PATL2: variants seen among roughly 807,000 people sequenced by gnomAD.
PATL2 encodes the protein protein PAT1 homolog 2.
A neutral mutation model predicts 77.0 loss-of-function variants in PATL2; 73 were observed. That is an observed-to-expected ratio of 0.95 (90% confidence interval 0.78 to 1.15). PATL2 has a LOEUF of 1.15. Ranked by LOEUF, PATL2 falls within the 50% of genes most tolerant of loss-of-function variation. The pLI is 0.00. For missense variants in PATL2, 618 were observed against 655.4 expected (o/e 0.94, Z 0.62); for synonymous variants, 265 against 257.1 (o/e 1.03, Z -0.29).
At chr15:44,688,388 A>G (rs1257377078) in intron 3 of PATL2, among the ~76,000 whole-genome samples, 7 of 152,176 alleles carry the variant, frequency 4.6e-5, no homozygotes, top group Admixed American at 4.6e-4. Context: ...CGCATAGCCA[A>G]GACAATCCTA....
At chr15:44,683,364 G>A (rs2086178365) in intron 3 of PATL2, among the ~76,000 whole-genome samples, 1 of 152,196 alleles carries the variant, frequency 6.6e-6, no homozygotes, top group South Asian at 2.1e-4. Flanking sequence ...TGCCAGCACA[G>A]CAGTCTGAAG....
At position 44,673,104 on chromosome 15, in the gene PATL2, C is replaced by T. The variant is rs7176018; in HGVS notation, c.446+131G>A. On this transcript the variant is annotated intron_variant, in intron 7 of 17. Coordinates refer to ENST00000682850, the MANE Select transcript of PATL2 (RefSeq NM_001387263.1). Reference sequence around the variant, plus strand: ...CCCTGGGGCTAATTTGTGAGGGAGACGGAATTAGACTATACCTCAGACTTC... The same window carrying T: ...CCCTGGGGCTAATTTGTGAGGGAGATGGAATTAGACTATACCTCAGACTTC... The T allele has an allele frequency of 3.4e-3, 4,150 of 1,216,220 alleles. 174 individuals are homozygous for T. The East Asian group carries it at 0.077, about 23-fold the overall frequency. The allele number at this position is 1,216,220 out of a possible 1,614,324, so 75.3% of individuals were successfully genotyped here. A position where few individuals can be genotyped will look rare whatever the true frequency, so the allele number is the denominator to read the frequency against.
intron 4 of PATL2, 46 bp from the exon 5 acceptor site, chr15:44,675,737 C>A (rs1270360599): frequency 1.1e-5 from 17 of 1,482,876 alleles, no homozygotes; most frequent in Non-Finnish European, 1.4e-5. Context: ...TGGGGCTCAG[C>A]TGTGAGTCTT....
chr15:44,671,991 T>TG, intron 9 of PATL2, 24 bp downstream of exon 9: 3 of 1,550,998 alleles, frequency 1.9e-6, no homozygotes, highest in Middle Eastern at 3.4e-4. Flanking sequence ...GGTCAGAGGC[T>TG]GGGCTGAGTA....
Position 44,710,113 on chromosome 15 carries a change from G to A in PATL2, c.-93C>T, listed in dbSNP as rs2086823597. ...ACACTTACTATGTACCAGGCATTGT[G>A]GGAGGCTCTCTCTTGTGCATTATCT... On this transcript the variant is annotated 5_prime_UTR_variant, in exon 3 of 18. Coordinates refer to ENST00000682850, the MANE Select transcript of PATL2 (RefSeq NM_001387263.1). Among the ~76,000 whole-genome samples, 2 of 152,162 alleles carry A rather than the reference G, an allele frequency of 1.3e-5. No individual in the cohort carries two copies. The highest frequency in any genetic ancestry group is 4.8e-5 in the African/African-American group (2 of 41,420).
chr15:44,697,612 T>C (rs1295628587), intron 3 of PATL2, among the ~76,000 whole-genome samples: 2 of 152,120 alleles, frequency 1.3e-5, no homozygotes, highest in Non-Finnish European at 2.9e-5. Context: ...TGCTGGTTGC[T>C]CTGTAGCTAC....
At chr15:44,706,493 C>T (rs757848902) in intron 3 of PATL2, among the ~76,000 whole-genome samples, 3 of 152,224 alleles carry the variant, frequency 2.0e-5, no homozygotes, top group Admixed American at 2.0e-4. Context: ...CTGCTGACAA[C>T]TTAACACTGA....
At chr15:44,673,767 C>T (rs979009091) in intron 6 of PATL2, among the ~76,000 whole-genome samples, 2 of 152,162 alleles carry the variant, frequency 1.3e-5, no homozygotes, top group Admixed American at 1.3e-4. Context: ...TCTAGTTCTC[C>T]CTGAAGGATA....
rs2085780588 is a variant in PATL2 at position 44,673,273 on chromosome 15, G to C, written c.408C>G (p.Leu136=). The change falls in exon 7 of 18, where the codon CTC becomes CTG. Residue 136 remains leucine, a synonymous_variant. Transcript: ENST00000682850. The part of the protein sequence containing the change: ...GPRLPSPDPT[L]FCSLLTSWPP... ...GCCACGAGGTCAGCAGGCTGCAGAA[G>C]AGAGTTGGGTCTGGTGAGGGCAGCC... 6.4e-7 allele frequency: 1 copy of C among 1,551,698 alleles called. No homozygotes were observed. The highest frequency in any genetic ancestry group is 8.7e-7 in the Non-Finnish European group (1 of 1,146,992).
At chr15:44,680,899 C>A (rs1215780456) in intron 3 of PATL2, among the ~76,000 whole-genome samples, 1 of 152,204 alleles carries the variant, frequency 6.6e-6, no homozygotes, top group African/African-American at 2.4e-5. Context: ...AGGGTCAAGA[C>A]AAGTCCCCTA....
At chr15:44,666,215 G>T (rs1013327514) in intron 17 of PATL2, among the ~76,000 whole-genome samples, 177 bp downstream of exon 17, 6 of 152,208 alleles carry the variant, frequency 3.9e-5, no homozygotes, top group Non-Finnish European at 8.8e-5. Flanking sequence ...GGAATAAAAG[G>T]TTGGCTGAAG....
chr15:44,687,634 AC>A (rs1477219318), intron 3 of PATL2, among the ~76,000 whole-genome samples: 1 of 152,212 alleles, frequency 6.6e-6, no homozygotes, highest in Non-Finnish European at 1.5e-5. Context: ...CTTGCAGATG[AC>A]ATGATTGTAT....
chr15:44,674,092 C>G, intron 6 of PATL2, 58 bp downstream of exon 6: 1 of 1,462,898 alleles, frequency 6.8e-7, no homozygotes, highest in Non-Finnish European at 9.3e-7. Flanking sequence ...TGGGGGTAGA[C>G]TGAACATAAT....
chr15:44,695,671 C>G (rs964777360), intron 3 of PATL2, among the ~76,000 whole-genome samples: 2 of 152,176 alleles, frequency 1.3e-5, no homozygotes, highest in African/African-American at 4.8e-5. Flanking sequence ...CTTTCTCTTT[C>G]TTTTGCCTAT....
chr15:44,702,716 T>G (rs937718668), intron 3 of PATL2, among the ~76,000 whole-genome samples: 1 of 152,122 alleles, frequency 6.6e-6, no homozygotes, highest in East Asian at 1.9e-4. Context: ...TTCCAGAATT[T>G]AAAAAATTTC....
chr15:44,705,500 T>C (rs1298140499), intron 3 of PATL2, among the ~76,000 whole-genome samples: 1 of 152,174 alleles, frequency 6.6e-6, no homozygotes, highest in Admixed American at 6.5e-5. Flanking sequence ...ACTCTTAAAT[T>C]TGCCGTTTTG....
chr15:44,691,877 G>C (rs1330069504), intron 3 of PATL2, among the ~76,000 whole-genome samples: 4 of 151,826 alleles, frequency 2.6e-5, no homozygotes, highest in African/African-American at 7.3e-5. Flanking sequence ...GGAAGAGTGT[G>C]GGGAGATAAA....
intron 15 of PATL2, 152 bp from the exon 16 acceptor site, chr15:44,667,355 G>A: frequency 1.6e-6 from 1 of 626,152 alleles, no homozygotes. Context: ...TTACACTGGT[G>A]AGCCAAAGAA....
rs2086852394 is a variant in PATL2, at chr15:44,711,109, ATCT to A, written c.-346_-344del. On this transcript the variant is annotated 5_prime_UTR_variant, in exon 1 of 18. Coordinates refer to ENST00000682850, the MANE Select transcript of PATL2 (RefSeq NM_001387263.1). ...TGCTAGGTAGCATTCAAAGATCTTA[ATCT>A]TCTGGGTTTCCGTTTTCTCGAATGA... The A allele has an allele frequency of 3.1e-5, 10 of 318,938 alleles. No individual in the cohort carries two copies. The highest frequency in any genetic ancestry group is 2.9e-4 in the South Asian group (10 of 34,582). The allele number at this position is 318,938 out of a possible 1,614,324, so 19.8% of individuals were successfully genotyped here.
Sources: allele counts gnomAD v4.1 joint callset (sites outside exome capture counted in the v4.1 genomes callset), GRCh38; gene constraint gnomAD v4.1.1; transcripts MANE v1.5; gene names NCBI Gene and HGNC (gene_info 2026-07-23, HGNC 2026-07-21).